KHDRBS3: variants seen among roughly 807,000 people sequenced by gnomAD.
KHDRBS3 encodes KH RNA binding domain containing, signal transduction associated 3.
A neutral mutation model predicts 45.6 loss-of-function variants in KHDRBS3; 23 were observed. That is an observed-to-expected ratio of 0.50 (90% CI 0.36 to 0.72). The LOEUF is 0.72. Among genes scored for constraint, KHDRBS3 ranks in the 30% least tolerant of loss-of-function variants. The pLI, the probability that KHDRBS3 is intolerant of heterozygous loss-of-function variation, is 0.00. For synonymous variants in KHDRBS3, 162 were observed against 156.5 expected (o/e 1.04, Z -0.26); for missense variants, 352 against 424.8 (o/e 0.83, Z 1.51).
intron 6 of KHDRBS3, among the ~76,000 whole-genome samples, chr8:135,605,405 A>G (rs1369566731): frequency 3.3e-5 from 5 of 152,062 alleles, no homozygotes; most frequent in East Asian, 1.9e-4. Context: ...TCCTAGTTCT[A>G]TCTGCTGATG....
intron 5 of KHDRBS3, among the ~76,000 whole-genome samples, chr8:135,577,936 G>A (rs181118798): frequency 5.5e-4 from 83 of 152,232 alleles, no homozygotes; most frequent in Admixed American, 2.1e-3. Flanking sequence ...ATTTTAATAC[G>A]TGAGAAGTGG....
At chr8:135,562,881 G>A (rs1032684096) in intron 5 of KHDRBS3, among the ~76,000 whole-genome samples, 1 of 152,138 alleles carries the variant, frequency 6.6e-6, no homozygotes, top group African/African-American at 2.4e-5. Flanking sequence ...AGACTTGTGA[G>A]AAAAATCTCC....
At chr8:135,563,711 C>G (rs951386783) in intron 5 of KHDRBS3, among the ~76,000 whole-genome samples, 5 of 152,196 alleles carry the variant, frequency 3.3e-5, no homozygotes, top group African/African-American at 1.2e-4. Context: ...TAATGCTGAT[C>G]TTATTTGCCA....
intron 1 of KHDRBS3, among the ~76,000 whole-genome samples, chr8:135,487,455 G>A (rs1822919820): frequency 6.6e-6 from 1 of 152,100 alleles, no homozygotes; most frequent in African/African-American, 2.4e-5. Context: ...GAGGAGAGGA[G>A]GGGAATAAAG....
At chr8:135,612,516 G>A (rs1829745260) in intron 7 of KHDRBS3, among the ~76,000 whole-genome samples, 1 of 151,868 alleles carries the variant, frequency 6.6e-6, no homozygotes. Context: ...CAGATGCACT[G>A]GTGGGCAGTG....
intron 2 of KHDRBS3, among the ~76,000 whole-genome samples, chr8:135,536,435 G>A (rs1232675341): frequency 6.6e-6 from 1 of 152,012 alleles, no homozygotes; most frequent in African/African-American, 2.4e-5. Context: ...GCATGTTTGG[G>A]AAGGGCTTTT....
intron 6 of KHDRBS3, among the ~76,000 whole-genome samples, chr8:135,594,632 A>G (rs1000687247): frequency 1.2e-4 from 18 of 152,348 alleles, no homozygotes; most frequent in African/African-American, 3.6e-4. Flanking sequence ...ATGTAGCTCA[A>G]TCTTTCAGAG....
At position 135,526,593 on chromosome 8, in the gene KHDRBS3, G is replaced by A. The variant is rs1384883154; in HGVS notation, c.207+5238G>A. ...GTTAATAGAATGAACTGGAGGAAACGAAATAGCTGGAATAGCTGTGAGTAG... is the reference window on the plus strand; with the variant it reads ...GTTAATAGAATGAACTGGAGGAAACAAAATAGCTGGAATAGCTGTGAGTAG... On this transcript the variant is annotated intron_variant, in intron 2 of 8. Coordinates refer to ENST00000355849, the MANE Select transcript of KHDRBS3 (RefSeq NM_006558.3). 3.9e-5 allele frequency among the ~76,000 whole-genome samples: 6 copies of A among 152,292 alleles called. No individual in the cohort carries two copies. The South Asian group carries it at 8.3e-4, about 21-fold the overall frequency.
chr8:135,474,858 G>A (rs975209598), intron 1 of KHDRBS3, among the ~76,000 whole-genome samples: 1 of 152,164 alleles, frequency 6.6e-6, no homozygotes, highest in African/African-American at 2.4e-5. Context: ...CTCCCACTGG[G>A]CTCATGTTAC....
intron 8 of KHDRBS3, 150 bp from the exon 9 acceptor site, chr8:135,646,843 T>A (rs1425868662): frequency 4.0e-6 from 2 of 501,482 alleles, no homozygotes; most frequent in Admixed American, 3.8e-5. Context: ...TTTAAGTAAA[T>A]TCCTTGTTTG....
intron 7 of KHDRBS3, among the ~76,000 whole-genome samples, chr8:135,636,444 A>G (rs886303150): frequency 6.6e-6 from 1 of 152,176 alleles, no homozygotes; most frequent in African/African-American, 2.4e-5. Flanking sequence ...AATTTTACCC[A>G]CCACATAAAA....
intron 1 of KHDRBS3, among the ~76,000 whole-genome samples, chr8:135,493,158 A>G (rs138839176): frequency 0.017 from 2,634 of 152,028 alleles, 90 homozygotes; most frequent in African/African-American, 0.061. Flanking sequence ...GCTCACTGCA[A>G]GCTCCGCCTC....
chr8:135,507,678 C>G (rs1824075400), intron 1 of KHDRBS3, among the ~76,000 whole-genome samples: 1 of 152,164 alleles, frequency 6.6e-6, no homozygotes, highest in Non-Finnish European at 1.5e-5. Flanking sequence ...GCATCTGACT[C>G]TAGGCGGAGC....
At chr8:135,518,466 G>T (rs770317566) in intron 1 of KHDRBS3, among the ~76,000 whole-genome samples, 22 of 152,022 alleles carry the variant, frequency 1.4e-4, no homozygotes, top group Admixed American at 2.6e-4. Flanking sequence ...GAGCCACCAC[G>T]CCCGGCCTAA....
intron 1 of KHDRBS3, among the ~76,000 whole-genome samples, chr8:135,486,488 A>G (rs944874816): frequency 5.3e-5 from 8 of 152,356 alleles, no homozygotes; most frequent in African/African-American, 1.9e-4. Context: ...GCTAGTAGGA[A>G]AAACAGATGC....
chr8:135,500,210 A>C (rs573511019), intron 1 of KHDRBS3, among the ~76,000 whole-genome samples: 1 of 152,234 alleles, frequency 6.6e-6, no homozygotes, highest in Non-Finnish European at 1.5e-5. Flanking sequence ...AGTGAGAGAA[A>C]ATTCAGTTCA....
intron 5 of KHDRBS3, among the ~76,000 whole-genome samples, chr8:135,568,232 C>G (rs1827525341): frequency 6.6e-6 from 1 of 152,056 alleles, no homozygotes; most frequent in African/African-American, 2.4e-5. Flanking sequence ...AGCCTAAAAC[C>G]ATAACACCAT....
chr8:135,521,138 C>A (rs1824883415), intron 1 of KHDRBS3, 99 bp from the exon 2 acceptor site: 2 of 708,076 alleles, frequency 2.8e-6, no homozygotes, highest in Non-Finnish European at 5.1e-6. Flanking sequence ...GTCCATACTT[C>A]AGTAGTAGTT....
Position 135,520,362 on chromosome 8 carries a change from TG to T in KHDRBS3, c.89-874del, listed in dbSNP as rs1824845798. On this transcript the variant is annotated intron_variant, in intron 1 of 8. Transcript: ENST00000355849. The stretch of plus-strand genomic sequence containing the variant: ...CAAGCACCTAATTTTGTATCTCTTG[TG>T]CAACCAAATACTATGGGCCATAGGG... 2.0e-5 allele frequency among the ~76,000 whole-genome samples: 3 copies of T among 152,310 alleles called. No homozygotes were observed. The South Asian group carries it at 6.2e-4, about 32-fold the overall frequency.
Sources: allele counts gnomAD v4.1 joint callset (sites outside exome capture counted in the v4.1 genomes callset), GRCh38; gene constraint gnomAD v4.1.1; transcripts MANE v1.5; gene names NCBI Gene and HGNC (gene_info 2026-07-23, HGNC 2026-07-21).